UVSSA: variants seen among roughly 807,000 people sequenced by gnomAD.
UVSSA encodes the protein UV stimulated scaffold protein A.
In UVSSA, 72 loss-of-function variants were observed where a neutral mutation model predicts 73.9. The observed-to-expected ratio is 0.97, with a 90% CI of 0.81 to 1.19. The LOEUF (loss-of-function observed/expected upper bound fraction) is 1.19, where lower values mean the gene tolerates loss of function less well. Among genes scored for constraint, UVSSA ranks in the 50% most tolerant of loss-of-function variants. UVSSA has a pLI of 0.00. For missense variants in UVSSA, 1,150 were observed against 965.0 expected (o/e 1.19, Z -2.54); for synonymous variants, 454 against 391.3 (o/e 1.16, Z -1.89).
intron 8 of UVSSA, among the ~76,000 whole-genome samples, chr4:1,367,581 C>G (rs567256675): frequency 5.3e-5 from 8 of 152,272 alleles, no homozygotes; most frequent in African/African-American, 1.7e-4. Flanking sequence ...AGGGAGGGCC[C>G]AGGCTGGGAA....
chr4:1,382,246 A>G (rs976335171), intron 12 of UVSSA, among the ~76,000 whole-genome samples: 5 of 152,180 alleles, frequency 3.3e-5, no homozygotes, highest in African/African-American at 1.2e-4. Context: ...TTAAGTGCCT[A>G]TTTTTTGTGT....
rs755197046 is a variant in UVSSA at position 1,380,247 on chromosome 4, A to G, written c.1752+17A>G. 1.3e-6 allele frequency: 2 copies of G among 1,599,092 alleles called. No homozygotes were observed. The highest frequency in any genetic ancestry group is 1.8e-4 in the Middle Eastern group (1 of 5,432). ...CGGCTGAAGGTGAGGCCGTGGCCCG[A>G]GGGCGGGGGTGGGTGTGGGCTGGAC... On this transcript the variant is annotated intron_variant, in intron 11 of 13. Transcript: ENST00000389851.
chr4:1,384,086 G>A, intron 13 of UVSSA, 146 bp downstream of exon 13: 1 of 1,022,544 alleles, frequency 9.8e-7, no homozygotes, highest in South Asian at 1.7e-5. Flanking sequence ...GGACCACCCA[G>A]CCTTTCCCCG....
chr4:1,380,550 GA>G, intron 11 of UVSSA: 1 of 1,160,518 alleles, frequency 8.6e-7, no homozygotes. Context: ...CAAAAGTGAG[GA>G]GAGGCCAGGG....
chr4:1,342,650 TTG>T (rs1336691476), upstream of UVSSA, among the ~76,000 whole-genome samples: 1 of 152,248 alleles, frequency 6.6e-6, no homozygotes, highest in East Asian at 1.9e-4. Flanking sequence ...ATCTCTTAAC[TTG>T]TGTGTGTTGT....
At position 1,353,517 on chromosome 4, in the gene UVSSA, T is replaced by A. The variant is rs898367415; in HGVS notation, c.934+104T>A. ...CCAGGAGCCTGGGGATGCAGGGGCC[T>A]CCCCTGGGGAGCTAGGTCAGGGGTC... On this transcript the variant is annotated intron_variant, in intron 5 of 13. Transcript: ENST00000389851. 4.3e-6 allele frequency: 6 copies of A among 1,390,826 alleles called. No individual in the cohort carries two copies. The African/African-American group carries it at 8.7e-5, about 20-fold the overall frequency. The allele number at this position is 1,390,826 out of a possible 1,614,324, so 86.2% of individuals were successfully genotyped here.
chr4:1,394,800 C>T lies in UVSSA; in HGVS notation c.*8839C>T, dbSNP rs1398195953. The T allele has an allele frequency of 1.9e-6, 3 of 1,544,042 alleles. No homozygotes were observed. In the South Asian group the frequency reaches 3.4e-5, roughly 17 times the overall value. On this transcript the variant is annotated 3_prime_UTR_variant, in exon 14 of 14. Coordinates refer to the UVSSA transcript ENST00000511216. ...ATGTGCCGATGTGGAGTGCCACCTG[C>T]TCACACACGTGCCCATGTGGAGTGC...
At chr4:1,346,912 C>G (rs920310698), upstream of UVSSA, among the ~76,000 whole-genome samples, 2 of 152,266 alleles carry the variant, frequency 1.3e-5, no homozygotes, top group African/African-American at 4.8e-5. Flanking sequence ...GGCAGCCTGC[C>G]TCGCCCTCGC....
At position 1,365,002 on chromosome 4, in the gene UVSSA, C is replaced by A. The variant is rs12643191; in HGVS notation, c.1177-1318C>A. ...CGAGCTCCCACACCCTGTCCTGGGCCGTGGTGGGGCTGTTGGAAGGATGCA... is the reference window on the plus strand; with the variant it reads ...CGAGCTCCCACACCCTGTCCTGGGCAGTGGTGGGGCTGTTGGAAGGATGCA... On this transcript the variant is annotated intron_variant, in intron 7 of 13. Coordinates refer to ENST00000389851, the MANE Select transcript of UVSSA (RefSeq NM_020894.4). Among the ~76,000 whole-genome samples, 289 of 152,284 alleles carry A rather than the reference C, an allele frequency of 1.9e-3. 3 individuals are homozygous for A. The highest frequency in any genetic ancestry group is 0.015 in the Admixed American group (225 of 15,302).
rs527603101 is a variant in UVSSA, at chr4:1,353,039, G to A, written c.560G>A (p.Gly187Glu). 1.2e-6 allele frequency: 2 copies of A among 1,609,308 alleles called. No homozygotes were observed. The highest frequency in any genetic ancestry group is 4.5e-5 in the East Asian group (2 of 44,806). Residue 187 changes from glycine to glutamate, a missense_variant, in exon 5 of 14, where the codon GGA becomes GAA. By Grantham distance (98) the Gly-to-Glu change is moderately conservative. Coordinates refer to ENST00000389851, the MANE Select transcript of UVSSA (RefSeq NM_020894.4). Reference sequence around the variant, plus strand: ...CTTGATCTTCCGGCAGAAATGTCTGGAGAAATTGAATCCTGCTTGACGGAG... The same window carrying A: ...CTTGATCTTCCGGCAGAAATGTCTGAAGAAATTGAATCCTGCTTGACGGAG... Reference protein sequence around the residue: ...QAEREMQEMSGEIESCLTEVE... With the variant: ...QAEREMQEMSEEIESCLTEVE...
In UVSSA at chr4:1,375,502, C is replaced by T. The variant is rs1560474246; in HGVS notation, c.1427C>T (p.Ser476Phe). The part of the protein sequence containing the change: ...QLRDHLPPPS[S>F]ASPSRALPEP... ...CGGGACCACTTGCCTCCACCCTCAT[C>T]TGCCAGGTGACTCCCAGTGTCCTGT... Residue 476 changes from serine to phenylalanine, a missense_variant, in exon 9 of 14, where the codon TCT becomes TTT. Coordinates refer to ENST00000389851, the MANE Select transcript of UVSSA (RefSeq NM_020894.4). 2 of 1,609,702 alleles carry T rather than the reference C, an allele frequency of 1.2e-6. No homozygotes were observed. The highest frequency in any genetic ancestry group is 1.7e-5 in the Admixed American group (1 of 59,952).
At chr4:1,366,250 T>C (rs1717306231) in intron 7 of UVSSA, 70 bp from the exon 8 acceptor site, 2 of 1,243,642 alleles carry the variant, frequency 1.6e-6, no homozygotes, top group Admixed American at 2.2e-5. Context: ...TTTCCAGGGC[T>C]CTGCCCACCG....
At position 1,380,164 on chromosome 4, in the gene UVSSA, T is replaced by A. The variant is rs747091694; in HGVS notation, c.1686T>A (p.Pro562=). The A allele has an allele frequency of 6.2e-7, 1 of 1,613,142 alleles. No individual in the cohort carries two copies. Among genetic ancestry groups the A allele is most frequent in the South Asian group, 1.1e-5 (1 of 91,068 alleles). Residue 562 remains proline, a synonymous_variant, in exon 11 of 14, where the codon CCT becomes CCA. Transcript: ENST00000389851. ...RHITFAGKFE[P]VQHWCRAPRP... Reference sequence around the variant, plus strand: ...TCACTTTTGCCGGGAAGTTTGAGCCTGTGCAGCACTGGTGCCGTGCCCCGA... The same window carrying A: ...TCACTTTTGCCGGGAAGTTTGAGCCAGTGCAGCACTGGTGCCGTGCCCCGA...
At chr4:1,385,309 C>G (rs1252134137) in intron 13 of UVSSA, 2 of 157,042 alleles carry the variant, frequency 1.3e-5, no homozygotes, top group Non-Finnish European at 2.8e-5. Context: ...ACATTGTGGC[C>G]TCAGGCCCTG....
chr4:1,344,719 G>A (rs544609002), upstream of UVSSA, among the ~76,000 whole-genome samples: 363 of 152,294 alleles, frequency 2.4e-3, 1 homozygote, highest in African/African-American at 7.8e-3. Flanking sequence ...AGAAAAAAGC[G>A]AATCACCTAG....
chr4:1,349,991 GC>G, intron 3 of UVSSA, 137 bp downstream of exon 3: 2 of 811,468 alleles, frequency 2.5e-6, no homozygotes, highest in Non-Finnish European at 3.7e-6. Context: ...CACCCAGGCT[GC>G]CAGACCATCT....
In UVSSA at chr4:1,372,810, G is replaced by T. The variant is rs796481133; in HGVS notation, c.1289-2554G>T. ...CCGCGTCCCTGCACTCACCTCCCGC[G>T]TCTCAGGGCACTCACCTCCCGCGTC... On this transcript the variant is annotated intron_variant, in intron 8 of 13. Transcript: ENST00000389851. 8.3e-3 allele frequency among the ~76,000 whole-genome samples: 308 copies of T among 37,310 alleles called. 21 individuals are homozygous for T. The highest frequency in any genetic ancestry group is 0.039 in the African/African-American group (152 of 3,852). 24.5% of individuals were successfully genotyped at this position (37,310 alleles called of 152,430 possible).
chr4:1,392,810 C>G (rs919722172), downstream of UVSSA: 1 of 152,140 alleles, frequency 6.6e-6, no homozygotes, highest in Non-Finnish European at 1.5e-5. Flanking sequence ...GATCTTCTGC[C>G]TAGTTATATT....
At position 1,349,662 on chromosome 4, in the gene UVSSA, T is replaced by A; in HGVS notation, c.237T>A (p.Val79=). The part of the protein sequence containing the change: ...FVRSHQFRML[V]VSNFQEFLEL... ...GGTCTCACCAGTTCCGGATGCTGGT[T>A]GTTTCCAACTTCCAGGAGTTCCTGG... Residue 79 remains valine, a synonymous_variant, in exon 3 of 14, where the codon GTT becomes GTA. Coordinates refer to ENST00000389851, the MANE Select transcript of UVSSA (RefSeq NM_020894.4). 1 of 1,614,044 alleles carries A rather than the reference T, an allele frequency of 6.2e-7. No homozygotes were observed. Among genetic ancestry groups the A allele is most frequent in the South Asian group, 1.1e-5 (1 of 91,084 alleles).
Sources: allele counts gnomAD v4.1 joint callset (sites outside exome capture counted in the v4.1 genomes callset), GRCh38; gene constraint gnomAD v4.1.1; transcripts MANE v1.5; gene names NCBI Gene and HGNC (gene_info 2026-07-23, HGNC 2026-07-21).